Variants in DDR2 observed in about 807,000 individuals in gnomAD.
DDR2 encodes the protein discoidin domain receptor tyrosine kinase 2, also known as discoidin domain-containing receptor 2.
DDR2 carries 27 observed loss-of-function variants against 94.9 expected under a neutral mutation model. The observed-to-expected ratio is 0.28, with a 90% CI of 0.21 to 0.39. The LOEUF (loss-of-function observed/expected upper bound fraction) is 0.39, where lower values mean the gene tolerates loss of function less well. DDR2 is among the 10% of genes least tolerant of loss of function. The pLI, the probability that DDR2 is intolerant of heterozygous loss-of-function variation, is 1.00. For missense variants in DDR2, 783 were observed against 1,076.0 expected (o/e 0.73, Z 3.81); for synonymous variants, 382 against 377.2 (o/e 1.01, Z -0.15).
chr1:162,759,493 G>C (rs1558069721), intron 7 of DDR2, among the ~76,000 whole-genome samples: 2 of 152,042 alleles, frequency 1.3e-5, no homozygotes, highest in Non-Finnish European at 2.9e-5. Flanking sequence ...GAATAGGCAA[G>C]GTGCAATAAA....
In DDR2 at chr1:162,673,594, TATGTGTGTGTGTGTGAGA is replaced by T. The variant is rs1255333131; in HGVS notation, c.-28+18221_-28+18238del. ...GTCATTATGTGCGTGTGTGTGTGTG[TATGTGTGTGTGTGTGAGA>T]GAGAGAGAGAGAGAGAGAGAGAGAG... On this transcript the variant is annotated intron_variant, in intron 2 of 17. Transcript: ENST00000367921. Among the ~76,000 whole-genome samples, 5 of 121,632 alleles carry T rather than the reference TATGTGTGTGTGTGTGAGA, an allele frequency of 4.1e-5. No homozygotes were observed. The East Asian group carries it at 6.1e-4, about 15-fold the overall frequency. The allele number at this position is 121,632 out of a possible 152,430, so 79.8% of individuals were successfully genotyped here. A position where few individuals can be genotyped will look rare whatever the true frequency, so the allele number is the denominator to read the frequency against.
At chr1:162,650,937 C>A (rs1657657975) in intron 1 of DDR2, among the ~76,000 whole-genome samples, 1 of 152,138 alleles carries the variant, frequency 6.6e-6, no homozygotes, top group African/African-American at 2.4e-5. Context: ...TCATGTTGGC[C>A]AAGGTGGTCT....
rs1558057653 is a variant in DDR2, at chr1:162,741,268, A to AATGTAATG, written c.83-11827_83-11826insATGTAATG. ...ATAGTATAATGTAATGTAATGTAAT[A>AATGTAATG]TAATATAATATAATATAATATAATA... On this transcript the variant is annotated intron_variant, in intron 3 of 17. Transcript: ENST00000367921. Among the ~76,000 whole-genome samples the AATGTAATG allele has an allele frequency of 6.5e-4, 50 of 77,484 alleles. 1 individual carries two copies. The highest frequency in any genetic ancestry group is 0.014 in the Middle Eastern group (2 of 140). The allele number at this position is 77,484 out of a possible 152,430, so 50.8% of individuals were successfully genotyped here. A position where few individuals can be genotyped will look rare whatever the true frequency, so the allele number is the denominator to read the frequency against.
intron 9 of DDR2, 135 bp downstream of exon 9, chr1:162,761,589 G>A: frequency 7.1e-7 from 1 of 1,415,582 alleles, no homozygotes; most frequent in South Asian, 1.2e-5. Flanking sequence ...CGGATACGGT[G>A]AATCCTTTGT....
intron 2 of DDR2, among the ~76,000 whole-genome samples, chr1:162,713,435 C>T (rs960244618): frequency 1.3e-5 from 2 of 152,172 alleles, no homozygotes; most frequent in African/African-American, 4.8e-5. Flanking sequence ...GCTAAAGTCT[C>T]CCTTTGATCA....
chr1:162,689,261 A>G (rs1571201742), intron 2 of DDR2, among the ~76,000 whole-genome samples: 1 of 152,198 alleles, frequency 6.6e-6, no homozygotes, highest in Non-Finnish European at 1.5e-5. Flanking sequence ...GTGTGAGGTG[A>G]TGGTTAATAC....
rs558567488 is a variant in DDR2 at position 162,730,666 on chromosome 1, G to A, written c.82+11521G>A. On this transcript the variant is annotated intron_variant, in intron 3 of 17. Coordinates refer to ENST00000367921, the MANE Select transcript of DDR2 (RefSeq NM_006182.4). ...CTTCATTCTGGGTAGCTGGTAGGAT[G>A]TAAGCCTGAATTCTTGGTCTTCCAG... Among the ~76,000 whole-genome samples, 26 of 152,298 alleles carry A rather than the reference G, an allele frequency of 1.7e-4. 1 individual carries two copies. The South Asian group carries it at 5.2e-3, about 30-fold the overall frequency.
intron 2 of DDR2, among the ~76,000 whole-genome samples, chr1:162,715,419 T>G (rs1661121542): frequency 6.6e-6 from 1 of 152,094 alleles, no homozygotes; most frequent in African/African-American, 2.4e-5. Context: ...AGATTTGAAC[T>G]AGGCAAAGAG....
At chr1:162,656,510 T>C (rs1657972336) in intron 2 of DDR2, among the ~76,000 whole-genome samples, 1 of 152,108 alleles carries the variant, frequency 6.6e-6, no homozygotes, top group Non-Finnish European at 1.5e-5. Context: ...CATAGTTTAA[T>C]GTCTTAGGTT....
intron 3 of DDR2, among the ~76,000 whole-genome samples, chr1:162,742,457 C>T (rs1019086419): frequency 6.6e-6 from 1 of 152,176 alleles, no homozygotes; most frequent in Admixed American, 6.5e-5. Context: ...AGGAGCCAGA[C>T]AGAGAGAGTG....
At chr1:162,728,750 C>T (rs1365134067) in intron 3 of DDR2, among the ~76,000 whole-genome samples, 1 of 152,114 alleles carries the variant, frequency 6.6e-6, no homozygotes, top group Non-Finnish European at 1.5e-5. Context: ...CCCTAGTGAT[C>T]ACATGATAAA....
chr1:162,701,089 A>G (rs1660409762), intron 2 of DDR2, among the ~76,000 whole-genome samples: 2 of 149,450 alleles, frequency 1.3e-5, no homozygotes, highest in Non-Finnish European at 3.0e-5. Context: ...AAAAAAAAGC[A>G]GCGGTAATTT....
chr1:162,739,904 A>G (rs1413590004), intron 3 of DDR2, among the ~76,000 whole-genome samples: 1 of 151,564 alleles, frequency 6.6e-6, no homozygotes, highest in Non-Finnish European at 1.5e-5. Context: ...AATACAGGGT[A>G]TTGAAGGAGT....
In DDR2 at chr1:162,780,181, G is replaced by A. The variant is rs1647818241; in HGVS notation, c.2503G>A (p.Asp835Asn). ...GCTGATGCTCAGCTGCTGGAGAAGAGATACGAAGAACCGTCCCTCATTCCA... is the reference window on the plus strand; with the variant it reads ...GCTGATGCTCAGCTGCTGGAGAAGAAATACGAAGAACCGTCCCTCATTCCA... ...YKLMLSCWRR[D>N]TKNRPSFQEI... The change falls in exon 18 of 18, where the codon GAT becomes AAT. Residue 835 changes from aspartate to asparagine, a missense_variant. By Grantham distance (23) the Asp-to-Asn change is conservative. This residue lies in a region of DDR2 where 264 missense variants were observed against 428.2 expected (regional missense o/e 0.62). Coordinates refer to ENST00000367921, the MANE Select transcript of DDR2 (RefSeq NM_006182.4). The A allele has an allele frequency of 2.5e-6, 4 of 1,613,968 alleles. No homozygotes were observed. The East Asian group carries it at 6.7e-5, about 27-fold the overall frequency.
At chr1:162,753,556 G>T (rs576773491) in intron 4 of DDR2, among the ~76,000 whole-genome samples, 159 of 152,238 alleles carry the variant, frequency 1.0e-3, no homozygotes, top group African/African-American at 3.3e-3. Flanking sequence ...GATTATGTAG[G>T]ACACTGGGAG....
chr1:162,659,030 G>C (rs1284191646), intron 2 of DDR2, among the ~76,000 whole-genome samples: 1 of 152,002 alleles, frequency 6.6e-6, no homozygotes, highest in African/African-American at 2.4e-5. Flanking sequence ...TTTGTTCATG[G>C]GATTCATAAA....
At chr1:162,681,002 T>C (rs1371413832) in intron 2 of DDR2, among the ~76,000 whole-genome samples, 1 of 152,154 alleles carries the variant, frequency 6.6e-6, no homozygotes, top group Non-Finnish European at 1.5e-5. Flanking sequence ...CTGCTTGTTT[T>C]TGTGAGGAAG....
intron 3 of DDR2, among the ~76,000 whole-genome samples, chr1:162,729,278 A>ATT (rs1477891762): frequency 6.2e-4 from 31 of 49,746 alleles, no homozygotes; most frequent in African/African-American, 1.5e-3. Context: ...AAGCATATCC[A>ATT]TTTATATATA....
intron 3 of DDR2, among the ~76,000 whole-genome samples, chr1:162,741,243 A>G (rs1305972011): frequency 7.5e-6 from 1 of 133,546 alleles, no homozygotes; most frequent in African/African-American, 3.0e-5. Context: ...ATAATATAAT[A>G]TAGTATAATG....
Sources: allele counts gnomAD v4.1 joint callset (sites outside exome capture counted in the v4.1 genomes callset), GRCh38; gene constraint gnomAD v4.1.1; regional missense constraint gnomAD v4.1.1; transcripts MANE v1.5; gene names NCBI Gene and HGNC (gene_info 2026-07-23, HGNC 2026-07-21).